The following PDCD6IP variants were observed in gnomAD, a reference collection of about 807,000 sequenced individuals.
PDCD6IP encodes the protein programmed cell death 6 interacting protein.
A neutral mutation model predicts 103.7 loss-of-function variants in PDCD6IP; 43 were observed. That is an observed-to-expected ratio of 0.41 (90% confidence interval 0.32 to 0.53). The LOEUF (loss-of-function observed/expected upper bound fraction) is 0.53. PDCD6IP is among the 20% of genes least tolerant of loss of function. The pLI, the probability that PDCD6IP is intolerant of heterozygous loss-of-function variation, is 0.16. For synonymous variants in PDCD6IP, 354 were observed against 378.7 expected, an observed-to-expected ratio of 0.93 and a Z score of 0.76; for missense variants, 871 against 1,036.7, an observed-to-expected ratio of 0.84 and a Z score of 2.20.
chr3:33,846,021 A>G (rs778479038), intron 12 of PDCD6IP, among the ~76,000 whole-genome samples: 1 of 152,236 alleles, frequency 6.6e-6, no homozygotes, highest in East Asian at 1.9e-4. Flanking sequence ...GTGCATGTTA[A>G]TAAATGGATA....
chr3:33,836,018 T>TG (rs779297198), intron 7 of PDCD6IP, 26 bp from the exon 8 acceptor site: 11 of 1,253,370 alleles, frequency 8.8e-6, no homozygotes, highest in South Asian at 2.8e-5. Flanking sequence ...CTTTTTTTTT[T>TG]TTGTTGTTGA....
chr3:33,847,921 T>C (rs1301078557), intron 12 of PDCD6IP, among the ~76,000 whole-genome samples: 1 of 152,058 alleles, frequency 6.6e-6, no homozygotes, highest in Non-Finnish European at 1.5e-5. Flanking sequence ...TTGCACAAGG[T>C]TGATGTTCAG....
chr3:33,865,515 C>G, intron 17 of PDCD6IP, 85 bp downstream of exon 17: 1 of 1,098,908 alleles, frequency 9.1e-7, no homozygotes, highest in Non-Finnish European at 1.3e-6. Flanking sequence ...GTCATCCCTT[C>G]TCCAAATGGA....
intron 3 of PDCD6IP, among the ~76,000 whole-genome samples, chr3:33,816,698 T>C (rs1325938839): frequency 1.3e-5 from 2 of 151,686 alleles, no homozygotes; most frequent in African/African-American, 4.8e-5. Flanking sequence ...GAGGGGTGAA[T>C]GGGAGGTGAG....
chr3:33,831,232 AAC>A (rs71805290), intron 7 of PDCD6IP, among the ~76,000 whole-genome samples: 17,505 of 149,922 alleles, frequency 0.12, 2,579 homozygotes, highest in African/African-American at 0.35. Context: ...AAGATACAGA[AAC>A]ACACACACAC....
chr3:33,823,773 ACT>A (rs1436551083), intron 4 of PDCD6IP, among the ~76,000 whole-genome samples: 2 of 152,292 alleles, frequency 1.3e-5, no homozygotes, highest in East Asian at 1.9e-4. Flanking sequence ...CAAGAGCAAG[ACT>A]CTGTCTCAAA....
At chr3:33,806,651 A>T (rs566149853) in intron 1 of PDCD6IP, among the ~76,000 whole-genome samples, 28 of 152,312 alleles carry the variant, frequency 1.8e-4, no homozygotes, top group Admixed American at 1.1e-3. Flanking sequence ...TTTGTTAGAG[A>T]TACATCCTAG....
chr3:33,855,101 T>G, intron 14 of PDCD6IP, 65 bp from the exon 15 acceptor site: 1 of 944,180 alleles, frequency 1.1e-6, no homozygotes, highest in Admixed American at 1.8e-5. Context: ...TAGCTTTAGA[T>G]CACATTACTC....
intron 15 of PDCD6IP, among the ~76,000 whole-genome samples, chr3:33,862,794 T>C (rs1244241223): frequency 6.6e-6 from 1 of 152,230 alleles, no homozygotes; most frequent in Non-Finnish European, 1.5e-5. Flanking sequence ...TGAGTCACTG[T>C]AGTTTTCTGA....
intron 12 of PDCD6IP, among the ~76,000 whole-genome samples, chr3:33,848,863 T>C (rs142615415): frequency 0.014 from 2,160 of 152,324 alleles, 77 homozygotes; most frequent in Admixed American, 0.078. Flanking sequence ...TTTTACATTT[T>C]TAAAATGTAA....
At position 33,841,433 on chromosome 3, in the gene PDCD6IP, C is replaced by CTTTTTT. The variant is rs1301369045; in HGVS notation, c.1182-446_1182-441dup. 5.0e-3 allele frequency among the ~76,000 whole-genome samples: 304 copies of CTTTTTT among 60,998 alleles called. 9 individuals are homozygous for CTTTTTT. The highest frequency in any genetic ancestry group is 5.9e-3 in the Non-Finnish European group (204 of 34,536). 40.0% of individuals were successfully genotyped at this position (60,998 alleles called of 152,430 possible). A position where few individuals can be genotyped will look rare whatever the true frequency, so the allele number is the denominator to read the frequency against. ...TGTTTTTCTGTTAATCTTTGCTTTG[C>CTTTTTT]TTTTTTTTTTTTTTTTTTTTTTTGA... On this transcript the variant is annotated intron_variant, in intron 9 of 17. Transcript: ENST00000307296.
At chr3:33,829,216 AATTCTAAAT>A (rs1697193708) in intron 7 of PDCD6IP, among the ~76,000 whole-genome samples, 1 of 152,156 alleles carries the variant, frequency 6.6e-6, no homozygotes, top group African/African-American at 2.4e-5. Context: ...ATGTAAAAAT[AATTCTAAAT>A]TAATTGCCAT....
At chr3:33,851,296 T>C (rs1247626764) in intron 12 of PDCD6IP, among the ~76,000 whole-genome samples, 4 of 151,450 alleles carry the variant, frequency 2.6e-5, no homozygotes, top group Admixed American at 2.6e-4. Flanking sequence ...AATAGAGAGA[T>C]TGGGTTGATG....
At chr3:33,842,167 C>T (rs1464929697) in intron 10 of PDCD6IP, 93 bp downstream of exon 10, 7 of 827,588 alleles carry the variant, frequency 8.5e-6, no homozygotes, top group South Asian at 1.7e-5. Context: ...CATGCTAGTA[C>T]AGTGTAGTTA....
At chr3:33,803,528 A>G (rs957792062) in intron 1 of PDCD6IP, among the ~76,000 whole-genome samples, 2 of 151,950 alleles carry the variant, frequency 1.3e-5, no homozygotes, top group African/African-American at 4.8e-5. Flanking sequence ...CTGGATATTT[A>G]TACTTTTTTC....
intron 12 of PDCD6IP, among the ~76,000 whole-genome samples, chr3:33,848,608 T>C (rs1188747452): frequency 6.6e-6 from 1 of 152,198 alleles, no homozygotes; most frequent in Admixed American, 6.5e-5. Flanking sequence ...TTTCACCATG[T>C]TGGCCTGGAT....
chr3:33,824,303 G>T (rs1697062713), intron 4 of PDCD6IP, among the ~76,000 whole-genome samples: 1 of 150,262 alleles, frequency 6.7e-6, no homozygotes, highest in Non-Finnish European at 1.5e-5. Context: ...TGTTGCCCAG[G>T]CAGGAGTACA....
At chr3:33,803,935 C>G (rs986301968) in intron 1 of PDCD6IP, among the ~76,000 whole-genome samples, 2 of 151,652 alleles carry the variant, frequency 1.3e-5, no homozygotes, top group African/African-American at 2.4e-5. Flanking sequence ...CTGACTTTTT[C>G]ATTTGTAAAA....
chr3:33,798,752 G>A lies in PDCD6IP; in HGVS notation c.24G>A (p.Gln8=). The A allele has an allele frequency of 6.4e-7, 1 of 1,571,966 alleles. No individual in the cohort carries two copies. The highest frequency in any genetic ancestry group is 8.6e-7 in the Non-Finnish European group (1 of 1,158,982). The part of the protein sequence containing the change: MATFISV[Q]LKKTSEVDLA... ...TCATGGCGACATTCATCTCGGTGCAGCTGAAAAAGACCTCAGAGGTGGACC... is the reference window on the plus strand; with the variant it reads ...TCATGGCGACATTCATCTCGGTGCAACTGAAAAAGACCTCAGAGGTGGACC... The change falls in exon 1 of 18, where the codon CAG becomes CAA. Residue 8 remains glutamine (Q), a synonymous_variant. Coordinates refer to ENST00000307296, the MANE Select transcript of PDCD6IP (RefSeq NM_013374.6).
Sources: gnomAD v4.1 joint callset for allele counts (sites outside exome capture counted in the v4.1 genomes callset) on GRCh38, gnomAD v4.1.1 for gene constraint, MANE v1.5 for transcripts, NCBI Gene and HGNC (gene_info 2026-07-23, HGNC 2026-07-21) for gene names.